CDKAL1: variants seen among roughly 807,000 people sequenced by gnomAD.
CDKAL1 encodes CDKAL1 threonylcarbamoyladenosine tRNA methylthiotransferase, also known as threonylcarbamoyladenosine tRNA methylthiotransferase.
Under a neutral mutation model 68.2 loss-of-function variants are expected in CDKAL1, and 32 were observed. That is an observed-to-expected ratio of 0.47 (90% CI 0.35 to 0.63). CDKAL1 has a LOEUF of 0.63. CDKAL1 is among the 30% of genes least tolerant of loss of function. The pLI is 0.00. For missense variants in CDKAL1, 606 were observed against 696.7 expected, an observed-to-expected ratio of 0.87 and a Z score of 1.47; for synonymous variants, 234 against 244.3, an observed-to-expected ratio of 0.96 and a Z score of 0.39.
intron 4 of CDKAL1, among the ~76,000 whole-genome samples, chr6:20,606,367 T>C (rs1766333677): frequency 6.6e-6 from 1 of 152,212 alleles, no homozygotes; most frequent in South Asian, 2.1e-4. Flanking sequence ...TTTGTTTCCC[T>C]CTAGATTTTC....
chr6:21,090,275 T>C (rs1357337185), intron 12 of CDKAL1, among the ~76,000 whole-genome samples: 1 of 152,246 alleles, frequency 6.6e-6, no homozygotes, highest in African/African-American at 2.4e-5. Flanking sequence ...AAGCATTTTA[T>C]TGACATTTCA....
chr6:20,749,734 A>G (rs1773832619), intron 6 of CDKAL1, among the ~76,000 whole-genome samples: 1 of 151,636 alleles, frequency 6.6e-6, no homozygotes, highest in South Asian at 2.1e-4. Flanking sequence ...TTTTTAGTAG[A>G]GATGGGGTCT....
intron 13 of CDKAL1, among the ~76,000 whole-genome samples, chr6:21,194,321 G>A (rs776101040): frequency 6.6e-6 from 1 of 152,216 alleles, no homozygotes; most frequent in Non-Finnish European, 1.5e-5. Context: ...TCACAGTGAT[G>A]TAACCTTTTC....
chr6:20,681,980 A>G (rs1291193485), intron 5 of CDKAL1, among the ~76,000 whole-genome samples: 2 of 152,216 alleles, frequency 1.3e-5, no homozygotes, highest in African/African-American at 2.4e-5. Flanking sequence ...ATAGATGGCA[A>G]GTTATAGCTG....
intron 8 of CDKAL1, among the ~76,000 whole-genome samples, chr6:20,810,731 C>G (rs1458089845): frequency 1.3e-5 from 2 of 149,564 alleles, no homozygotes; most frequent in African/African-American, 4.9e-5. Context: ...ACAAAACAAC[C>G]CAATAACATT....
chr6:21,105,576 G>A (rs1358355709), intron 12 of CDKAL1, among the ~76,000 whole-genome samples: 1 of 152,200 alleles, frequency 6.6e-6, no homozygotes, highest in South Asian at 2.1e-4. Flanking sequence ...CTTAACTAAG[G>A]AGATGCAGAA....
intron 11 of CDKAL1, among the ~76,000 whole-genome samples, chr6:21,020,453 T>C (rs1220711870): frequency 2.0e-5 from 3 of 152,144 alleles, no homozygotes; most frequent in Non-Finnish European, 4.4e-5. Context: ...TACTTCTGTC[T>C]TTTTTATTTT....
chr6:20,739,654 T>C (rs767455354), intron 6 of CDKAL1, 39 bp downstream of exon 6: 1 of 1,150,234 alleles, frequency 8.7e-7, no homozygotes, highest in South Asian at 1.3e-5. Flanking sequence ...AAATCTTACA[T>C]TGTTAACACC....
chr6:20,625,186 G>C (rs1437059153), intron 4 of CDKAL1, among the ~76,000 whole-genome samples: 1 of 152,042 alleles, frequency 6.6e-6, no homozygotes, highest in Non-Finnish European at 1.5e-5. Context: ...TTCCATAGAT[G>C]AGACTGGTAT....
Position 21,127,964 on chromosome 6 carries a change from T to G in CDKAL1, c.1299+19501T>G, listed in dbSNP as rs74995413. On this transcript the variant is annotated intron_variant, in intron 13 of 15. Coordinates refer to ENST00000274695, the MANE Select transcript of CDKAL1 (RefSeq NM_017774.3). ...TTATTTATTTTCTTTGATCACTGGT[T>G]TTGTTTTCTGCTAGATGCAGATGTA... Among the ~76,000 whole-genome samples the G allele has an allele frequency of 6.8e-3, 1,038 of 152,328 alleles. 9 individuals are homozygous for G. The highest frequency in any genetic ancestry group is 0.016 in the South Asian group (75 of 4,830).
At position 20,548,638 on chromosome 6, in the gene CDKAL1, T is replaced by A; in HGVS notation, c.219T>A (p.Cys73Ter). Residue 73 changes from cysteine to a stop codon, truncating the protein, a stop_gained, in exon 4 of 16, where the codon TGT becomes TGA. Coordinates refer to ENST00000274695, the MANE Select transcript of CDKAL1 (RefSeq NM_017774.3). LOFTEE classifies it high-confidence loss of function. The stretch of plus-strand genomic sequence containing the variant: ...AAATTTGGATACGAACATGGGGTTG[T>A]TCTCATAATAATTCAGATGGAGAAT... ...IQKIWIRTWG[C>*]SHNNSDGEYM... 1 of 1,601,886 alleles carries A rather than the reference T, an allele frequency of 6.2e-7. No homozygotes were observed. The highest frequency in any genetic ancestry group is 8.5e-7 in the Non-Finnish European group (1 of 1,170,054).
chr6:20,851,143 T>A (rs1337078616), intron 9 of CDKAL1, among the ~76,000 whole-genome samples: 2 of 152,142 alleles, frequency 1.3e-5, no homozygotes, highest in Non-Finnish European at 2.9e-5. Context: ...TGGGTATCAT[T>A]TTGTTGTTCT....
chr6:21,066,169 A>C (rs1771429108), intron 12 of CDKAL1, among the ~76,000 whole-genome samples: 1 of 152,144 alleles, frequency 6.6e-6, no homozygotes. Context: ...TATTTGGTTG[A>C]AAAATAGATG....
intron 4 of CDKAL1, among the ~76,000 whole-genome samples, chr6:20,571,093 A>T (rs1764681759): frequency 1.3e-5 from 2 of 152,126 alleles, no homozygotes. Flanking sequence ...TGAATCTCTA[A>T]AAAGAGAATT....
chr6:20,842,636 A>G (rs375748038), intron 8 of CDKAL1, among the ~76,000 whole-genome samples: 11 of 152,198 alleles, frequency 7.2e-5, no homozygotes, highest in Admixed American at 1.3e-4. Context: ...GTTCGAGACC[A>G]GCCTGACCAA....
chr6:20,651,541 T>C (rs928602875), intron 5 of CDKAL1, among the ~76,000 whole-genome samples: 1 of 152,214 alleles, frequency 6.6e-6, no homozygotes, highest in African/African-American at 2.4e-5. Flanking sequence ...TTGAATACGC[T>C]TTATTTTTTT....
intron 11 of CDKAL1, among the ~76,000 whole-genome samples, chr6:21,004,407 TG>T (rs1261349975): frequency 4.6e-5 from 7 of 152,212 alleles, no homozygotes; most frequent in African/African-American, 1.7e-4. Flanking sequence ...TTGAGGCATA[TG>T]GGAATTTATT....
intron 11 of CDKAL1, among the ~76,000 whole-genome samples, chr6:21,038,619 C>T (rs1366044197): frequency 6.6e-6 from 1 of 152,212 alleles, no homozygotes; most frequent in Non-Finnish European, 1.5e-5. Context: ...CAGCCCAGGA[C>T]AGCTTTGAAT....
chr6:20,988,219 T>TGTGTGTGTGTGTGTGTG (rs1554153536), intron 10 of CDKAL1, among the ~76,000 whole-genome samples: 1 of 145,218 alleles, frequency 6.9e-6, no homozygotes, highest in African/African-American at 2.6e-5. Context: ...TGTGTGTGTG[T>TGTGTGTGTGTGTGTGTG]AGTGAGGGAG....
Sources: gnomAD v4.1 joint callset for allele counts (sites outside exome capture counted in the v4.1 genomes callset) on GRCh38, gnomAD v4.1.1 for gene constraint, MANE v1.5 for transcripts, NCBI Gene and HGNC (gene_info 2026-07-23, HGNC 2026-07-21) for gene names.